DOCK1: variants seen among roughly 807,000 people sequenced by gnomAD.
DOCK1 encodes dedicator of cytokinesis protein 1.
In DOCK1, 138 loss-of-function variants were observed where a neutral mutation model predicts 262.7. The ratio of observed to expected loss-of-function variants is 0.53; its 90% CI spans 0.46 to 0.61. DOCK1 has a LOEUF of 0.61. DOCK1 is among the 20% of genes least tolerant of loss of function. The probability of loss-of-function intolerance (pLI) is 0.00; values close to 1 mark genes in which losing one functional copy is unlikely to be tolerated. For synonymous variants in DOCK1, 866 were observed against 867.4 expected, an observed-to-expected ratio of 1.00 and a Z score of 0.03; for missense variants, 1,908 against 2,370.7, an observed-to-expected ratio of 0.80 and a Z score of 4.05.
rs138709256 is a variant in DOCK1, at chr10:127,386,173, G to A, written c.3927+1264G>A. ...GATTCTGCTCACATTTGGAGTAAGC[G>A]ATGCGGCATCCTTTATTTGTCCCTG... is the stretch of plus-strand genomic sequence containing the variant. On this transcript the variant is annotated intron_variant, in intron 38 of 51. Transcript: ENST00000623213. Among the ~76,000 whole-genome samples, 553 of 152,286 alleles carry A rather than the reference G, an allele frequency of 3.6e-3. 5 individuals carry two copies. Among genetic ancestry groups the A allele is most frequent in the African/African-American group, 0.012 (515 of 41,552 alleles).
At chr10:127,253,956 G>A (rs539073487) in intron 28 of DOCK1, among the ~76,000 whole-genome samples, 2 of 150,430 alleles carry the variant, frequency 1.3e-5, no homozygotes, top group African/African-American at 2.4e-5. Flanking sequence ...ATTTGCTTCC[G>A]TCATGTGTCT....
intron 23 of DOCK1, among the ~76,000 whole-genome samples, chr10:127,079,536 A>G (rs2046774992): frequency 6.6e-6 from 1 of 152,124 alleles, no homozygotes. Context: ...ACTAATAAAA[A>G]AATCTGTTGA....
chr10:127,307,298 T>A (rs1326397308), intron 29 of DOCK1, among the ~76,000 whole-genome samples: 3 of 152,164 alleles, frequency 2.0e-5, no homozygotes, highest in Non-Finnish European at 4.4e-5. Context: ...AAGTGAAACA[T>A]CATGCTGCCA....
At chr10:127,280,590 C>T (rs1161896676) in intron 29 of DOCK1, among the ~76,000 whole-genome samples, 6 of 152,146 alleles carry the variant, frequency 3.9e-5, no homozygotes, top group Non-Finnish European at 8.8e-5. Flanking sequence ...ATTGTTCTTG[C>T]AAGCACTTAG....
intron 23 of DOCK1, among the ~76,000 whole-genome samples, chr10:127,065,716 C>T (rs1173483379): frequency 2.6e-5 from 4 of 152,132 alleles, no homozygotes; most frequent in Non-Finnish European, 5.9e-5. Context: ...TATCCTCTGC[C>T]GCACATCACC....
chr10:127,285,943 A>G (rs1317077598), intron 29 of DOCK1, among the ~76,000 whole-genome samples: 1 of 152,212 alleles, frequency 6.6e-6, no homozygotes, highest in African/African-American at 2.4e-5. Context: ...CACGAGCCTG[A>G]GGCTGGCTCC....
At chr10:127,123,435 G>T (rs1415392691) in intron 25 of DOCK1, among the ~76,000 whole-genome samples, 1 of 152,214 alleles carries the variant, frequency 6.6e-6, no homozygotes, top group Non-Finnish European at 1.5e-5. Context: ...CCACGAGGAA[G>T]AGTGCTGGCA....
At position 127,137,710 on chromosome 10, in the gene DOCK1, A is replaced by G. The variant is rs371817689; in HGVS notation, c.2847+9946A>G. The G allele has an allele frequency of 3.3e-5, 27 of 820,200 alleles. 1 individual carries two copies. In the East Asian group the frequency reaches 4.0e-4, roughly 12 times the overall value. 50.8% of individuals were successfully genotyped at this position (820,200 alleles called of 1,614,324 possible). A position where few individuals can be genotyped will look rare whatever the true frequency, so the allele number is the denominator to read the frequency against. ...TGGTACAAAGGCCTTTTTGGTACGC[A>G]GGGCGAGAAGTGGGAGGTGCCTGAA... On this transcript the variant is annotated intron_variant, in intron 27 of 51. Coordinates refer to ENST00000623213, the MANE Select transcript of DOCK1 (RefSeq NM_001290223.2).
chr10:127,212,941 C>T (rs2058048026), intron 27 of DOCK1, among the ~76,000 whole-genome samples: 1 of 151,920 alleles, frequency 6.6e-6, no homozygotes, highest in Non-Finnish European at 1.5e-5. Flanking sequence ...AAAAATTTAA[C>T]AGTAATACCT....
At chr10:127,197,896 GA>G (rs999454630) in intron 27 of DOCK1, among the ~76,000 whole-genome samples, 3 of 151,698 alleles carry the variant, frequency 2.0e-5, no homozygotes, top group East Asian at 1.9e-4. Context: ...CATTTCAGAA[GA>G]AAAAAAAATC....
intron 38 of DOCK1, among the ~76,000 whole-genome samples, chr10:127,398,235 T>G (rs2067029662): frequency 6.6e-6 from 1 of 152,188 alleles, no homozygotes. Flanking sequence ...GGTTGAGCAC[T>G]CCAGGAGGAC....
chr10:127,337,591 C>T (rs150510381), intron 29 of DOCK1, among the ~76,000 whole-genome samples: 1 of 152,134 alleles, frequency 6.6e-6, no homozygotes. Flanking sequence ...ATGTTGCTGC[C>T]CAGCCTGTGT....
chr10:127,408,812 G>A (rs2067672852), intron 40 of DOCK1, among the ~76,000 whole-genome samples: 1 of 152,146 alleles, frequency 6.6e-6, no homozygotes, highest in Non-Finnish European at 1.5e-5. Context: ...GTAGCGCAGT[G>A]CTGAGTGCTT....
At chr10:126,966,695 C>G in intron 1 of DOCK1, among the ~76,000 whole-genome samples, 1 of 152,234 alleles carries the variant, frequency 6.6e-6, no homozygotes, top group East Asian at 1.9e-4. Context: ...TTTTAGGTCT[C>G]TGATAAGGCA....
At chr10:127,103,099 C>CA (rs1564805141) in intron 23 of DOCK1, among the ~76,000 whole-genome samples, 2 of 152,176 alleles carry the variant, frequency 1.3e-5, no homozygotes, top group African/African-American at 2.4e-5. Context: ...GTGTCGTTCA[C>CA]GTGCATCTGT....
At chr10:127,285,472 T>C (rs1010868446) in intron 29 of DOCK1, among the ~76,000 whole-genome samples, 1 of 152,238 alleles carries the variant, frequency 6.6e-6, no homozygotes, top group African/African-American at 2.4e-5. Flanking sequence ...TGTAGAACTT[T>C]CTGGCCTGTG....
chr10:127,363,250 C>G (rs2064696476), intron 33 of DOCK1, among the ~76,000 whole-genome samples: 1 of 152,156 alleles, frequency 6.6e-6, no homozygotes, highest in African/African-American at 2.4e-5. Context: ...TTGCCCACGC[C>G]TGTAATCCTA....
intron 4 of DOCK1, among the ~76,000 whole-genome samples, chr10:126,982,234 C>T (rs1005946841): frequency 2.6e-5 from 4 of 152,138 alleles, no homozygotes; most frequent in African/African-American, 7.2e-5. Context: ...GGAAAGCATT[C>T]GCCCTGGTGC....
At chr10:127,310,381 G>A (rs189080489) in intron 29 of DOCK1, among the ~76,000 whole-genome samples, 2 of 150,368 alleles carry the variant, frequency 1.3e-5, no homozygotes, top group African/African-American at 2.4e-5. Context: ...GCTCTGCCCC[G>A]GCAGCTGAGT....
Sources: gnomAD v4.1 joint callset for allele counts (sites outside exome capture counted in the v4.1 genomes callset) on GRCh38, gnomAD v4.1.1 for gene constraint, MANE v1.5 for transcripts, NCBI Gene and HGNC (gene_info 2026-07-23, HGNC 2026-07-21) for gene names.